The following TMTC2 variants were observed in gnomAD, a reference collection of about 807,000 sequenced individuals.
The protein encoded by TMTC2 is transmembrane O-mannosyltransferase targeting cadherins 2.
In TMTC2, 43 loss-of-function variants were observed where a neutral mutation model predicts 82.4. That is an observed-to-expected ratio of 0.52 (90% CI 0.41 to 0.67). The LOEUF (loss-of-function observed/expected upper bound fraction) is 0.67. TMTC2 is among the 30% of genes least tolerant of loss of function. TMTC2 has a pLI of 0.00. For synonymous variants in TMTC2, 408 were observed against 381.9 expected (o/e 1.07, Z -0.80); for missense variants, 919 against 1,012.4 (o/e 0.91, Z 1.25).
intron 7 of TMTC2, among the ~76,000 whole-genome samples, chr12:82,975,681 C>G (rs1878634533): frequency 6.6e-6 from 1 of 152,160 alleles, no homozygotes; most frequent in East Asian, 1.9e-4. Flanking sequence ...GTGCTTGACT[C>G]AGGAGTACAC....
Position 82,749,713 on chromosome 12 carries a change from G to A in TMTC2, c.83+62044G>A, listed in dbSNP as rs932489370. 2.1e-5 allele frequency among the ~76,000 whole-genome samples: 3 copies of A among 144,174 alleles called. No individual in the cohort carries two copies. The South Asian group carries it at 6.7e-4, about 32-fold the overall frequency. The allele number at this position is 144,174 out of a possible 152,430, so 94.6% of individuals were successfully genotyped here. On this transcript the variant is annotated intron_variant, in intron 1 of 11. Coordinates refer to ENST00000321196, the MANE Select transcript of TMTC2 (RefSeq NM_152588.3). ...AAGATTGTGTTAACAGATAGAAACT[G>A]TTTGTTTTTCTTTCTTTCTTTCTTT...
chr12:83,017,337 T>C (rs1166996615), intron 8 of TMTC2, among the ~76,000 whole-genome samples: 1 of 152,182 alleles, frequency 6.6e-6, no homozygotes, highest in Non-Finnish European at 1.5e-5. Context: ...AAGGGGGTGC[T>C]GTTATAAATA....
At chr12:83,060,336 G>A (rs1479314305) in intron 10 of TMTC2, among the ~76,000 whole-genome samples, 1 of 151,646 alleles carries the variant, frequency 6.6e-6, no homozygotes. Flanking sequence ...ATGGTTGCAT[G>A]GGGTATGTTT....
intron 8 of TMTC2, among the ~76,000 whole-genome samples, chr12:83,023,456 A>G (rs1227639511): frequency 1.3e-5 from 2 of 152,212 alleles, no homozygotes; most frequent in Non-Finnish European, 2.9e-5. Context: ...TTGGTCAGCC[A>G]TTTAACTTCA....
At chr12:83,048,423 A>G (rs953875743) in intron 9 of TMTC2, among the ~76,000 whole-genome samples, 1 of 152,146 alleles carries the variant, frequency 6.6e-6, no homozygotes, top group Admixed American at 6.5e-5. Context: ...TTAATTTTCT[A>G]ACCCAAGAAT....
intron 8 of TMTC2, among the ~76,000 whole-genome samples, chr12:83,029,411 G>A (rs1019894384): frequency 6.6e-6 from 1 of 152,084 alleles, no homozygotes; most frequent in Non-Finnish European, 1.5e-5. Flanking sequence ...GTGGCCCAGG[G>A]AAGCCAAAAG....
intron 1 of TMTC2, among the ~76,000 whole-genome samples, chr12:82,838,759 G>A (rs549245018): frequency 6.6e-5 from 10 of 151,000 alleles, no homozygotes; most frequent in African/African-American, 2.4e-4. Flanking sequence ...GGGTGACAGT[G>A]ATGAGCTTAT....
At chr12:82,729,331 C>G (rs1238076187) in intron 1 of TMTC2, among the ~76,000 whole-genome samples, 1 of 152,128 alleles carries the variant, frequency 6.6e-6, no homozygotes, top group African/African-American at 2.4e-5. Flanking sequence ...ACCCATGACA[C>G]TCTGTATCTA....
intron 11 of TMTC2, among the ~76,000 whole-genome samples, chr12:83,128,677 G>T (rs1305323047): frequency 1.3e-5 from 2 of 152,108 alleles, no homozygotes; most frequent in African/African-American, 4.8e-5. Flanking sequence ...GATTCAGTAG[G>T]CAGGGCCTGA....
intron 2 of TMTC2, among the ~76,000 whole-genome samples, chr12:82,859,034 G>C (rs970003953): frequency 1.3e-5 from 2 of 151,842 alleles, no homozygotes; most frequent in Non-Finnish European, 2.9e-5. Context: ...GGCTGTTTCA[G>C]GACCTTGCAT....
At chr12:82,756,011 C>T (rs1876303619) in intron 1 of TMTC2, among the ~76,000 whole-genome samples, 1 of 152,118 alleles carries the variant, frequency 6.6e-6, no homozygotes, top group Admixed American at 6.5e-5. Flanking sequence ...GACAGTACCT[C>T]ATAAAATAAG....
At chr12:82,857,908 T>C (rs1172799411) in intron 2 of TMTC2, among the ~76,000 whole-genome samples, 1 of 152,238 alleles carries the variant, frequency 6.6e-6, no homozygotes. Flanking sequence ...TGATAAATTG[T>C]CTATAACGTG....
intron 2 of TMTC2, among the ~76,000 whole-genome samples, chr12:82,878,835 C>T (rs1178313665): frequency 6.6e-6 from 1 of 152,046 alleles, no homozygotes; most frequent in African/African-American, 2.4e-5. Context: ...CACAGGAGTT[C>T]AAGGCCAGTC....
chr12:83,034,085 T>C (rs1309123419), intron 9 of TMTC2, among the ~76,000 whole-genome samples: 1 of 151,942 alleles, frequency 6.6e-6, no homozygotes, highest in African/African-American at 2.4e-5. Flanking sequence ...AGAATGTTTT[T>C]TGATAATTTT....
chr12:82,802,676 G>C (rs774724706), intron 1 of TMTC2, among the ~76,000 whole-genome samples: 6 of 152,156 alleles, frequency 3.9e-5, no homozygotes, highest in South Asian at 2.1e-4. Flanking sequence ...CAAGGAAAAG[G>C]CATGAGATAT....
chr12:82,942,454 A>G (rs982388948), intron 4 of TMTC2, among the ~76,000 whole-genome samples: 4 of 152,296 alleles, frequency 2.6e-5, no homozygotes, highest in East Asian at 3.9e-4. Context: ...TAGTTTTTCA[A>G]TTATAATTTG....
At position 82,999,622 on chromosome 12, in the gene TMTC2, A is replaced by AAGAG. The variant is rs78390130; in HGVS notation, c.2070+13592_2070+13595dup. ...CATTTTACATAGATGTCAGCAGGCA[A>AAGAG]AGAGAGAGAGAGAGAGAGAATGCTT... is the stretch of plus-strand genomic sequence containing the variant. On this transcript the variant is annotated intron_variant, in intron 8 of 11. Coordinates refer to ENST00000321196, the MANE Select transcript of TMTC2 (RefSeq NM_152588.3). Among the ~76,000 whole-genome samples, 283 of 150,314 alleles carry AAGAG rather than the reference A, an allele frequency of 1.9e-3. 1 individual carries two copies. The highest frequency in any genetic ancestry group is 3.6e-3 in the Non-Finnish European group (244 of 67,386).
At chr12:82,804,379 A>G (rs1879146564) in intron 1 of TMTC2, among the ~76,000 whole-genome samples, 1 of 152,180 alleles carries the variant, frequency 6.6e-6, no homozygotes, top group Non-Finnish European at 1.5e-5. Context: ...GAAAATTTCT[A>G]GAATTTCTTT....
intron 4 of TMTC2, among the ~76,000 whole-genome samples, chr12:82,964,325 A>G (rs1406536224): frequency 3.3e-5 from 5 of 152,026 alleles, no homozygotes; most frequent in Non-Finnish European, 7.4e-5. Context: ...GAGATATTAC[A>G]TGCAGTTACT....
Sources: allele counts gnomAD v4.1 joint callset (sites outside exome capture counted in the v4.1 genomes callset), GRCh38; gene constraint gnomAD v4.1.1; transcripts MANE v1.5; gene names NCBI Gene and HGNC (gene_info 2026-07-23, HGNC 2026-07-21).